CLSTN1: variants seen among roughly 807,000 people sequenced by gnomAD.
CLSTN1 encodes the protein calsyntenin 1.
A neutral mutation model predicts 108.3 loss-of-function variants in CLSTN1; 28 were observed. The observed-to-expected ratio is 0.26, with a 90% CI of 0.19 to 0.35. The LOEUF is 0.35. Among genes scored for constraint, CLSTN1 ranks in the 10% least tolerant of loss-of-function variants. The probability of loss-of-function intolerance (pLI) is 1.00; values close to 1 mark genes in which losing one functional copy is unlikely to be tolerated. For synonymous variants in CLSTN1, 524 were observed against 534.9 expected, an observed-to-expected ratio of 0.98 and a Z score of 0.28; for missense variants, 1,157 against 1,302.6, an observed-to-expected ratio of 0.89 and a Z score of 1.72.
intron 5 of CLSTN1, among the ~76,000 whole-genome samples, chr1:9,750,917 T>C (rs1651525767): frequency 6.6e-6 from 1 of 151,536 alleles, no homozygotes; most frequent in Non-Finnish European, 1.5e-5. Flanking sequence ...AACAAAAAAT[T>C]AGCTGGGCGT....
At chr1:9,756,905 A>G (rs1425695281) in intron 2 of CLSTN1, among the ~76,000 whole-genome samples, 1 of 151,874 alleles carries the variant, frequency 6.6e-6, no homozygotes, top group East Asian at 1.9e-4. Context: ...CAGCCTCCCG[A>G]GTAGCTGGGA....
chr1:9,788,299 G>A (rs371843926), intron 1 of CLSTN1, among the ~76,000 whole-genome samples: 2 of 151,340 alleles, frequency 1.3e-5, no homozygotes, highest in Non-Finnish European at 2.9e-5. Context: ...GGCCAGATGC[G>A]GTAGCTCATG....
In CLSTN1 at chr1:9,743,993, T is replaced by G. The variant is rs762824452; in HGVS notation, c.1247A>C (p.His416Pro). 1 of 1,613,804 alleles carries G rather than the reference T, an allele frequency of 6.2e-7. No homozygotes were observed. The highest frequency in any genetic ancestry group is 1.1e-5 in the South Asian group (1 of 91,040). Reference protein sequence around the residue: ...CSSDKTDMNRHHYSLYVHGCR... With the variant: ...CSSDKTDMNRPHYSLYVHGCR... ...CCCGTGGACATAGAGGGAGTAGTGGTGCCGATTCATATCTGCAAAGGCAGT... is the reference window on the plus strand; with the variant it reads ...CCCGTGGACATAGAGGGAGTAGTGGGGCCGATTCATATCTGCAAAGGCAGT... The change falls in exon 9 of 19, where the codon CAC becomes CCC. Residue 416 changes from histidine to proline, a missense_variant. His to Pro is a moderately conservative substitution (Grantham distance 77, BLOSUM62 -2). Coordinates refer to ENST00000377298, the MANE Select transcript of CLSTN1 (RefSeq NM_001009566.3).
In CLSTN1 at chr1:9,779,625, C is replaced by T. The variant is rs1177582823; in HGVS notation, c.92-6231G>A. ...TTTTTTTAGTTGAGATGAAGTCTTGCTATGTTGCCCACGCTGGTGTCAAAC... is the reference window on the plus strand; with the variant it reads ...TTTTTTTAGTTGAGATGAAGTCTTGTTATGTTGCCCACGCTGGTGTCAAAC... On this transcript the variant is annotated intron_variant, in intron 1 of 18. Transcript: ENST00000377298. Among the ~76,000 whole-genome samples the T allele has an allele frequency of 2.0e-5, 3 of 152,042 alleles. No individual in the cohort carries two copies. In the East Asian group the frequency reaches 5.8e-4, roughly 29 times the overall value.
chr1:9,771,174 T>C (rs1652656914), intron 2 of CLSTN1, among the ~76,000 whole-genome samples: 1 of 152,098 alleles, frequency 6.6e-6, no homozygotes, highest in Non-Finnish European at 1.5e-5. Context: ...CAGTAATGTA[T>C]ATAAAACTGC....
At chr1:9,793,665 G>T (rs1653866300) in intron 1 of CLSTN1, among the ~76,000 whole-genome samples, 1 of 151,504 alleles carries the variant, frequency 6.6e-6, no homozygotes, top group South Asian at 2.2e-4. Context: ...TTTGCCCTCT[G>T]TATGTCCCGC....
intron 16 of CLSTN1, among the ~76,000 whole-genome samples, chr1:9,732,289 T>C (rs1031199414): frequency 6.6e-6 from 1 of 152,036 alleles, no homozygotes; most frequent in African/African-American, 2.4e-5. Context: ...GCCTGGAACT[T>C]CCCTGCTCAA....
chr1:9,789,060 G>A lies in CLSTN1; in HGVS notation c.92-15666C>T, dbSNP rs537391915. 3.2e-4 allele frequency among the ~76,000 whole-genome samples: 48 copies of A among 151,470 alleles called. 1 individual carries two copies. The highest frequency in any genetic ancestry group is 9.4e-4 in the Admixed American group (14 of 14,934). ...TTCCGTTAGAAGGATACCATGTTTTGCTTATCCATTCCCTGGTTAACAGAC... is the reference window on the plus strand; with the variant it reads ...TTCCGTTAGAAGGATACCATGTTTTACTTATCCATTCCCTGGTTAACAGAC... On this transcript the variant is annotated intron_variant, in intron 1 of 18. Coordinates refer to ENST00000377298, the MANE Select transcript of CLSTN1 (RefSeq NM_001009566.3).
rs772489454 is a variant in CLSTN1 at position 9,730,776 on chromosome 1, C to T, written c.2749-71G>A. The T allele has an allele frequency of 8.6e-6, 12 of 1,402,312 alleles. No homozygotes were observed. Among genetic ancestry groups the T allele is most frequent in the East Asian group, 2.5e-5 (1 of 40,086 alleles). 86.9% of individuals were successfully genotyped at this position (1,402,312 alleles called of 1,614,324 possible). A position where few individuals can be genotyped will look rare whatever the true frequency, so the allele number is the denominator to read the frequency against. The stretch of plus-strand genomic sequence containing the variant: ...GCCCCGTCACCTGGCATTCTCCTCT[C>T]GACAGCCACAGAGGAAGGAGAACTT... On this transcript the variant is annotated intron_variant, in intron 18 of 18. Coordinates refer to ENST00000377298, the MANE Select transcript of CLSTN1 (RefSeq NM_001009566.3). The surrounding 1 kb of genome is among the most constrained non-coding windows in gnomAD (Gnocchi z 5.6).
chr1:9,804,926 A>G (rs1654441469), intron 1 of CLSTN1, among the ~76,000 whole-genome samples: 1 of 152,116 alleles, frequency 6.6e-6, no homozygotes, highest in Admixed American at 6.6e-5. Context: ...GTTCCAGAAC[A>G]GCCTAGCTAA....
In CLSTN1 at chr1:9,783,006, C is replaced by G. The variant is rs142304446; in HGVS notation, c.92-9612G>C. ...TGGGTGACAGAGCGAGACTCCATCTCAAAAAGAAAAAGAGAGAGAGAGGCT... is the reference window on the plus strand; with the variant it reads ...TGGGTGACAGAGCGAGACTCCATCTGAAAAAGAAAAAGAGAGAGAGAGGCT... On this transcript the variant is annotated intron_variant, in intron 1 of 18. Coordinates refer to ENST00000377298, the MANE Select transcript of CLSTN1 (RefSeq NM_001009566.3). 1.9e-3 allele frequency among the ~76,000 whole-genome samples: 291 copies of G among 152,056 alleles called. 1 individual carries two copies. The highest frequency in any genetic ancestry group is 6.5e-3 in the African/African-American group (269 of 41,474).
intron 15 of CLSTN1, 149 bp downstream of exon 15, chr1:9,733,823 G>C: frequency 1.2e-6 from 1 of 834,626 alleles, no homozygotes; most frequent in Non-Finnish European, 1.9e-6. Context: ...TATGCGTGCA[G>C]CCAACAATGA....
At chr1:9,743,543 G>A (rs557273778) in intron 9 of CLSTN1, among the ~76,000 whole-genome samples, 1 of 152,212 alleles carries the variant, frequency 6.6e-6, no homozygotes, top group South Asian at 2.1e-4. Context: ...CTTAGAAGAT[G>A]ACAGTGTTTT....
chr1:9,730,279 C>T lies in CLSTN1; in HGVS notation c.*229G>A, dbSNP rs149772081. On this transcript the variant is annotated 3_prime_UTR_variant, in exon 19 of 19. Coordinates refer to ENST00000377298, the MANE Select transcript of CLSTN1 (RefSeq NM_001009566.3). This position sits in a 1 kb window ranked among gnomAD's most constrained non-coding sequence, Gnocchi z 5.6. ...GGAGGCCCCTGTGCGAGCCGGATGG[C>T]GGCCAGAGAGGACGTGTCAGCTCCT... 3.1e-3 allele frequency: 1,795 copies of T among 582,250 alleles called. 20 individuals carry two copies. The highest frequency in any genetic ancestry group is 2.7e-3 in the Non-Finnish European group (871 of 324,956). The allele number at this position is 582,250 out of a possible 1,614,324, so 36.1% of individuals were successfully genotyped here. A position where few individuals can be genotyped will look rare whatever the true frequency, so the allele number is the denominator to read the frequency against.
At chr1:9,804,810 C>T (rs566185692) in intron 1 of CLSTN1, among the ~76,000 whole-genome samples, 10 of 151,072 alleles carry the variant, frequency 6.6e-5, no homozygotes, top group African/African-American at 2.2e-4. Context: ...ACAGCCTGGG[C>T]GATGGAGTGA....
At chr1:9,732,895 A>T (rs914892887) in intron 16 of CLSTN1, among the ~76,000 whole-genome samples, 1 of 152,258 alleles carries the variant, frequency 6.6e-6, no homozygotes, top group South Asian at 2.1e-4. Flanking sequence ...TGCTCTTTCT[A>T]AAACAGTGTC....
intron 1 of CLSTN1, among the ~76,000 whole-genome samples, chr1:9,785,911 C>T (rs1381586739): frequency 6.6e-6 from 1 of 151,886 alleles, no homozygotes; most frequent in Admixed American, 6.6e-5. Context: ...CACGGTAGGT[C>T]ATGCCTGTAA....
At chr1:9,797,312 G>T (rs1487097812) in intron 1 of CLSTN1, among the ~76,000 whole-genome samples, 1 of 152,196 alleles carries the variant, frequency 6.6e-6, no homozygotes, top group Non-Finnish European at 1.5e-5. Flanking sequence ...GGGAGAGGAA[G>T]GGGAAGTGGG....
chr1:9,798,967 G>C (rs1654133983), intron 1 of CLSTN1, among the ~76,000 whole-genome samples: 1 of 152,042 alleles, frequency 6.6e-6, no homozygotes, highest in African/African-American at 2.4e-5. Context: ...GATCACTTGA[G>C]CCCAGGAGTT....
Sources: gnomAD v4.1 joint callset for allele counts (sites outside exome capture counted in the v4.1 genomes callset) on GRCh38, gnomAD v4.1.1 for gene constraint, Gnocchi (gnomAD v3.1) non-coding constraint, MANE v1.5 for transcripts, NCBI Gene and HGNC (gene_info 2026-07-23, HGNC 2026-07-21) for gene names.